NRXN3: variants seen among roughly 807,000 people sequenced by gnomAD.
NRXN3 encodes the protein neurexin III.
NRXN3 carries 32 observed loss-of-function variants against 137.6 expected under a neutral mutation model. The ratio of observed to expected loss-of-function variants is 0.23; its 90% CI spans 0.18 to 0.31. The LOEUF (loss-of-function observed/expected upper bound fraction) is 0.31, where lower values mean the gene tolerates loss of function less well. Ranked by LOEUF, NRXN3 falls within the 10% of genes least tolerant of loss-of-function variation. The probability of loss-of-function intolerance (pLI) is 1.00; values close to 1 mark genes in which losing one functional copy is unlikely to be tolerated. For synonymous variants in NRXN3, 798 were observed against 784.5 expected, an observed-to-expected ratio of 1.02 and a Z score of -0.29; for missense variants, 1,574 against 2,062.5, an observed-to-expected ratio of 0.76 and a Z score of 4.59.
chr14:78,563,843 C>T (rs1232401692), intron 4 of NRXN3, among the ~76,000 whole-genome samples: 1 of 152,072 alleles, frequency 6.6e-6, no homozygotes, highest in African/African-American at 2.4e-5. Context: ...TGACTGGAAC[C>T]CTATAGCAGT....
At chr14:78,515,729 A>C (rs2096195235) in intron 4 of NRXN3, among the ~76,000 whole-genome samples, 1 of 152,036 alleles carries the variant, frequency 6.6e-6, no homozygotes, top group Non-Finnish European at 1.5e-5. Flanking sequence ...TGAAAAACAG[A>C]GTTCAAAAGA....
At chr14:78,533,373 T>C (rs1298223102) in intron 4 of NRXN3, among the ~76,000 whole-genome samples, 2 of 152,088 alleles carry the variant, frequency 1.3e-5, no homozygotes, top group African/African-American at 4.8e-5. Flanking sequence ...TAGTTGTTTA[T>C]CCTCCTGTAT....
chr14:78,531,908 G>T (rs2096466664), intron 4 of NRXN3, among the ~76,000 whole-genome samples: 1 of 152,044 alleles, frequency 6.6e-6, no homozygotes, highest in Admixed American at 6.6e-5. Context: ...CTTTGTGATG[G>T]TCTCCCAATC....
chr14:79,438,384 A>G (rs2095877225), intron 15 of NRXN3, among the ~76,000 whole-genome samples: 1 of 152,174 alleles, frequency 6.6e-6, no homozygotes, highest in Non-Finnish European at 1.5e-5. Context: ...ATAGAGGAGG[A>G]AGGTGCCTTG....
chr14:78,593,276 C>G (rs1359381466), intron 4 of NRXN3, among the ~76,000 whole-genome samples: 3 of 152,208 alleles, frequency 2.0e-5, no homozygotes, highest in Non-Finnish European at 4.4e-5. Context: ...ATCTCTAGCT[C>G]TACCTGGAGG....
Position 79,020,692 on chromosome 14 carries a change from C to T in NRXN3, c.3262+32551C>T, listed in dbSNP as rs543151766. Among the ~76,000 whole-genome samples, 22 of 152,094 alleles carry T rather than the reference C, an allele frequency of 1.4e-4. 1 individual carries two copies. In the South Asian group the frequency reaches 4.6e-3, roughly 32 times the overall value. On this transcript the variant is annotated intron_variant, in intron 15 of 20. Transcript: ENST00000335750. ...ATAAGAAAAGAAACCCATCAAGGAA[C>T]ATTTAAAAAACAAAGTTTGTTCTCT...
At chr14:78,805,371 C>A (rs1195993191) in intron 9 of NRXN3, among the ~76,000 whole-genome samples, 1 of 151,842 alleles carries the variant, frequency 6.6e-6, no homozygotes, top group Admixed American at 6.6e-5. Flanking sequence ...CGCCATCAAC[C>A]ATGGTAAATC....
At chr14:79,552,739 G>A (rs1339443437) in intron 16 of NRXN3, among the ~76,000 whole-genome samples, 1 of 152,142 alleles carries the variant, frequency 6.6e-6, no homozygotes, top group Non-Finnish European at 1.5e-5. Context: ...TATGGGGCAG[G>A]TGATGACAAG....
At chr14:78,804,658 CA>C (rs2098850201) in intron 9 of NRXN3, among the ~76,000 whole-genome samples, 1 of 152,134 alleles carries the variant, frequency 6.6e-6, no homozygotes, top group Admixed American at 6.5e-5. Context: ...TTACCTATAA[CA>C]GAATCTTTAG....
At chr14:79,286,034 G>A (rs2082193894) in intron 15 of NRXN3, among the ~76,000 whole-genome samples, 1 of 152,156 alleles carries the variant, frequency 6.6e-6, no homozygotes, top group Non-Finnish European at 1.5e-5. Flanking sequence ...TGTGTTTACA[G>A]ATATGGGGAA....
chr14:79,504,375 A>G (rs1405804358), intron 16 of NRXN3, among the ~76,000 whole-genome samples: 2 of 152,036 alleles, frequency 1.3e-5, no homozygotes, highest in Non-Finnish European at 2.9e-5. Context: ...ATGTTCCGTC[A>G]TATAATTATA....
chr14:79,643,537 G>A (rs2098441821), intron 16 of NRXN3, among the ~76,000 whole-genome samples: 1 of 135,292 alleles, frequency 7.4e-6, no homozygotes, highest in Non-Finnish European at 1.7e-5. Context: ...ACCAACTGAA[G>A]AGAGTTTATA....
At chr14:78,786,117 C>T (rs2098788593) in intron 8 of NRXN3, among the ~76,000 whole-genome samples, 1 of 152,140 alleles carries the variant, frequency 6.6e-6, no homozygotes, top group African/African-American at 2.4e-5. Flanking sequence ...AAAATTAAAG[C>T]TCCACAAGGT....
intron 17 of NRXN3, among the ~76,000 whole-genome samples, chr14:79,665,754 TATG>T (rs1567823620): frequency 6.6e-6 from 1 of 152,176 alleles, no homozygotes; most frequent in African/African-American, 2.4e-5. Flanking sequence ...AAGCCACAGC[TATG>T]TAACCAAACC....
chr14:79,618,341 C>A (rs1345778345), intron 16 of NRXN3, among the ~76,000 whole-genome samples: 2 of 151,858 alleles, frequency 1.3e-5, no homozygotes, highest in Non-Finnish European at 2.9e-5. Context: ...AGCCTCAACC[C>A]TTCCCTCCCC....
chr14:79,134,742 G>A (rs894799378), intron 15 of NRXN3, among the ~76,000 whole-genome samples: 2 of 152,158 alleles, frequency 1.3e-5, no homozygotes, highest in Non-Finnish European at 1.5e-5. Context: ...CTATTTTAGA[G>A]ATAATTCAGC....
At chr14:79,469,476 G>T (rs978599898) in intron 16 of NRXN3, among the ~76,000 whole-genome samples, 8 of 152,096 alleles carry the variant, frequency 5.3e-5, no homozygotes, top group African/African-American at 1.9e-4. Flanking sequence ...TCCATTGTGT[G>T]CATTTATTAG....
At chr14:79,105,392 A>G (rs2052221127) in intron 15 of NRXN3, among the ~76,000 whole-genome samples, 1 of 152,194 alleles carries the variant, frequency 6.6e-6, no homozygotes, top group Non-Finnish European at 1.5e-5. Flanking sequence ...AAAATTTTCA[A>G]ATAACTTGTA....
intron 15 of NRXN3, among the ~76,000 whole-genome samples, chr14:79,341,946 A>G (rs1006374413): frequency 8.5e-5 from 13 of 152,234 alleles, no homozygotes; most frequent in African/African-American, 2.7e-4. Flanking sequence ...TACAATGGTA[A>G]TAGAAATTTG....
Sources: gnomAD v4.1 joint callset for allele counts (sites outside exome capture counted in the v4.1 genomes callset) on GRCh38, gnomAD v4.1.1 for gene constraint, MANE v1.5 for transcripts, NCBI Gene and HGNC (gene_info 2026-07-23, HGNC 2026-07-21) for gene names.